The following QTGAL variants were observed in gnomAD, a reference collection of about 807,000 sequenced individuals.
QTGAL encodes the protein queuosine-tRNA galactosyltransferase.
the QTGAL span, among the ~76,000 whole-genome samples, chr17:82,988,134 T>C: frequency 1.3e-5 from 2 of 152,326 alleles, no homozygotes; most frequent in South Asian, 4.1e-4. Context: ...ATCCTGAGAC[T>C]TTGCTGAAGT....
At chr17:82,973,979 C>A in the QTGAL span, among the ~76,000 whole-genome samples, 2 of 152,218 alleles carry the variant, frequency 1.3e-5, no homozygotes, top group African/African-American at 4.8e-5. Flanking sequence ...CAGCAAGCAG[C>A]CCAGCCCCTT....
chr17:82,951,456 G>A, the QTGAL span, among the ~76,000 whole-genome samples: 1 of 152,184 alleles, frequency 6.6e-6, no homozygotes, highest in African/African-American at 2.4e-5. Context: ...ATTAGGCTTT[G>A]GCTTAAGGGA....
At chr17:82,972,872 C>CTGGTA in the QTGAL span, among the ~76,000 whole-genome samples, 3 of 145,056 alleles carry the variant, frequency 2.1e-5, no homozygotes, top group African/African-American at 8.5e-5. Context: ...CCAGAAGGAC[C>CTGGTA]CGGTACTGAC....
the QTGAL span, among the ~76,000 whole-genome samples, chr17:82,972,586 C>CAG: frequency 8.3e-4 from 59 of 71,412 alleles, 1 homozygote; most frequent in African/African-American, 4.2e-3. Context: ...CACCACACCA[C>CAG]GGGCCAGAAG....
the QTGAL span, chr17:82,981,395 C>T: frequency 1.3e-5 from 2 of 152,270 alleles, no homozygotes; most frequent in African/African-American, 2.4e-5. Context: ...CCTCCCCCGC[C>T]GCACCCATGT....
the QTGAL span, among the ~76,000 whole-genome samples, chr17:83,029,412 G>C: frequency 6.6e-6 from 1 of 152,042 alleles, no homozygotes; most frequent in Admixed American, 6.5e-5. Flanking sequence ...ATTTTAAAAG[G>C]ACAGCAAGGG....
At chr17:83,014,614 G>A in the QTGAL span, 6 of 1,379,400 alleles carry the variant, frequency 4.3e-6, no homozygotes, top group South Asian at 2.4e-5. Flanking sequence ...GGAGTGCAAC[G>A]GCACAATCAT....
At chr17:82,992,926 T>C in the QTGAL span, among the ~76,000 whole-genome samples, 1 of 152,204 alleles carries the variant, frequency 6.6e-6, no homozygotes, top group Non-Finnish European at 1.5e-5. Context: ...AAGATAATAT[T>C]TGTAAGCCTG....
At chr17:82,959,084 GTA>G in the QTGAL span, among the ~76,000 whole-genome samples, 109 of 111,122 alleles carry the variant, frequency 9.8e-4, 3 homozygotes, top group African/African-American at 3.3e-3. Context: ...TGTATGGTGT[GTA>G]TGTGTGGGGG....
the QTGAL span, among the ~76,000 whole-genome samples, chr17:83,019,077 C>T: frequency 7.2e-5 from 11 of 152,168 alleles, no homozygotes; most frequent in South Asian, 6.2e-4. Flanking sequence ...ATGACGCCGC[C>T]GGAATGGAAG....
chr17:83,029,111 GTC>G, the QTGAL span, among the ~76,000 whole-genome samples: 1 of 152,204 alleles, frequency 6.6e-6, no homozygotes, highest in Non-Finnish European at 1.5e-5. Flanking sequence ...AGGGACAGAA[GTC>G]TCTGCACCTT....
At chr17:82,955,282 C>G in the QTGAL span, among the ~76,000 whole-genome samples, 1 of 152,000 alleles carries the variant, frequency 6.6e-6, no homozygotes, top group Non-Finnish European at 1.5e-5. Context: ...AAGAAAAAAC[C>G]TCATCAAAAA....
the QTGAL span, among the ~76,000 whole-genome samples, chr17:83,020,924 G>A: frequency 6.6e-6 from 1 of 152,180 alleles, no homozygotes; most frequent in Admixed American, 6.5e-5. Flanking sequence ...AGGGGCTTCC[G>A]AGGTGGTTAC....
At chr17:83,018,320 C>T in the QTGAL span, among the ~76,000 whole-genome samples, 9 of 150,658 alleles carry the variant, frequency 6.0e-5, no homozygotes, top group Non-Finnish European at 8.9e-5. Context: ...ACATGCTCCG[C>T]GAACATGGTG....
the QTGAL span, among the ~76,000 whole-genome samples, chr17:83,009,635 G>T: frequency 6.6e-6 from 1 of 152,132 alleles, no homozygotes; most frequent in African/African-American, 2.4e-5. Context: ...ACGGCAAAGG[G>T]GCGAGACCTT....
chr17:83,017,412 C>T, the QTGAL span, among the ~76,000 whole-genome samples: 1 of 151,994 alleles, frequency 6.6e-6, no homozygotes, highest in African/African-American at 2.4e-5. Context: ...AACTTGAGGT[C>T]AGGAGTTCGA....
At chr17:83,044,197 G>T in the QTGAL span, among the ~76,000 whole-genome samples, 2 of 152,124 alleles carry the variant, frequency 1.3e-5, no homozygotes, top group Admixed American at 6.5e-5. Flanking sequence ...GAACCTACAG[G>T]CCAATAGCCC....
the QTGAL span, among the ~76,000 whole-genome samples, chr17:83,031,252 G>A: frequency 6.6e-6 from 1 of 152,118 alleles, no homozygotes; most frequent in Non-Finnish European, 1.5e-5. Context: ...GGCCGCCAGA[G>A]CACCCACGGG....
At chr17:82,963,642 G>C in the QTGAL span, among the ~76,000 whole-genome samples, 1 of 152,132 alleles carries the variant, frequency 6.6e-6, no homozygotes, top group Non-Finnish European at 1.5e-5. Flanking sequence ...TCTTGAATCA[G>C]AAATTCAAGG....
Sources: gnomAD v4.1 joint callset for allele counts (sites outside exome capture counted in the v4.1 genomes callset) on GRCh38, gnomAD v4.1.1 for gene constraint, MANE v1.5 for transcripts, NCBI Gene and HGNC (gene_info 2026-07-23, HGNC 2026-07-21) for gene names.